Variants in HPS3 observed in about 807,000 individuals in gnomAD.
HPS3 encodes HPS3 biogenesis of lysosomal organelles complex 2 subunit 1.
Under a neutral mutation model 110.9 loss-of-function variants are expected in HPS3, and 79 were observed. The observed-to-expected ratio is 0.71, with a 90% CI of 0.59 to 0.86. The LOEUF (loss-of-function observed/expected upper bound fraction) is 0.86, where lower values mean the gene tolerates loss of function less well. Among genes scored for constraint, HPS3 ranks in the 40% least tolerant of loss-of-function variants. The pLI is 0.00. For missense variants in HPS3, 1,197 were observed against 1,206.2 expected (o/e 0.99, Z 0.11); for synonymous variants, 428 against 451.0 (o/e 0.95, Z 0.65).
chr3:149,152,908 C>CAGCAAAAGG (rs1166316109), intron 6 of HPS3, among the ~76,000 whole-genome samples: 6 of 152,196 alleles, frequency 3.9e-5, no homozygotes, highest in African/African-American at 1.4e-4. Context: ...CTCTAGTTTA[C>CAGCAAAAGG]CTGACATGTC....
intron 6 of HPS3, among the ~76,000 whole-genome samples, 154 bp from the exon 7 acceptor site, chr3:149,153,340 G>A (rs1252223991): frequency 6.6e-6 from 1 of 152,202 alleles, no homozygotes; most frequent in Admixed American, 6.5e-5. Flanking sequence ...TAGGAATCTG[G>A]GTTGGTCTTT....
intron 11 of HPS3, among the ~76,000 whole-genome samples, chr3:149,160,566 A>C (rs1227321378): frequency 6.6e-6 from 1 of 152,194 alleles, no homozygotes; most frequent in Non-Finnish European, 1.5e-5. Flanking sequence ...CGAGGGGACG[A>C]TGTGATCTGG....
In HPS3 at chr3:149,129,766, G is replaced by A. The variant is rs776757990; in HGVS notation, c.43G>A (p.Val15Met). Residue 15 changes from valine to methionine, a missense_variant, in exon 1 of 17, where the codon GTG becomes ATG. By Grantham distance (21) the Val-to-Met change is conservative. Transcript: ENST00000296051. ...CCTGCACCCGTTCGGGTCGCAGCAGGTGGTGCCCTGCAAGCTGGAGCCGGA... is the reference window on the plus strand; with the variant it reads ...CCTGCACCCGTTCGGGTCGCAGCAGATGGTGCCCTGCAAGCTGGAGCCGGA... ...YNLHPFGSQQ[V>M]VPCKLEPDRF... 1 of 1,607,888 alleles carries A rather than the reference G, an allele frequency of 6.2e-7. No homozygotes were observed. Among genetic ancestry groups the A allele is most frequent in the Non-Finnish European group, 8.5e-7 (1 of 1,178,760 alleles).
At position 149,140,143 on chromosome 3, in the gene HPS3, A is replaced by T. The variant is rs1722346559; in HGVS notation, c.357A>T (p.Lys119Asn). 1.2e-6 allele frequency: 2 copies of T among 1,613,804 alleles called. No homozygotes were observed. Among genetic ancestry groups the T allele is most frequent in the Non-Finnish European group, 1.7e-6 (2 of 1,179,884 alleles). ...IGHNVEGPFS[K>N]AFRDQMYIIE... ...ATAATGTGGAGGGACCATTCAGCAA[A>T]GCCTTCAGAGACCAGATGTACATTA... The change falls in exon 2 of 17, where the codon AAA (lysine) becomes AAT (asparagine). Residue 119 changes from lysine to asparagine, a missense_variant. Coordinates refer to ENST00000296051, the MANE Select transcript of HPS3 (RefSeq NM_032383.5).
Position 149,173,411 on chromosome 3 carries a change from T to C in HPS3, c.*1189T>C. 1 of 224,376 alleles carries C rather than the reference T, an allele frequency of 4.5e-6. No individual in the cohort carries two copies. Among genetic ancestry groups the C allele is most frequent in the Non-Finnish European group, 8.8e-6 (1 of 113,684 alleles). The allele number at this position is 224,376 out of a possible 1,614,324, so 13.9% of individuals were successfully genotyped here. ...GAGGAGCACCCAGGAGAATATCTGG[T>C]CATAGATCTTTTTTTAAATGCAGTT... On this transcript the variant is annotated 3_prime_UTR_variant, in exon 17 of 17. Transcript: ENST00000296051.
At chr3:149,136,027 G>A (rs1722070643) in intron 1 of HPS3, among the ~76,000 whole-genome samples, 1 of 152,036 alleles carries the variant, frequency 6.6e-6, no homozygotes, top group Non-Finnish European at 1.5e-5. Flanking sequence ...CTACATAAAA[G>A]GGAAAGTTTA....
chr3:149,145,941 G>A (rs1226630687), intron 5 of HPS3, among the ~76,000 whole-genome samples: 3 of 152,064 alleles, frequency 2.0e-5, no homozygotes, highest in Admixed American at 2.0e-4. Flanking sequence ...ATTTATAATA[G>A]TTTAGAACTG....
intron 1 of HPS3, among the ~76,000 whole-genome samples, chr3:149,131,426 G>T (rs1220837350): frequency 6.6e-6 from 1 of 152,076 alleles, no homozygotes; most frequent in Non-Finnish European, 1.5e-5. Context: ...GTCACATTTT[G>T]ATAGTTCTTG....
Position 149,173,542 on chromosome 3 carries a change from C to T in HPS3, c.*1320C>T, listed in dbSNP as rs1725194583. On this transcript the variant is annotated 3_prime_UTR_variant, in exon 17 of 17. Coordinates refer to ENST00000296051, the MANE Select transcript of HPS3 (RefSeq NM_032383.5). ...TCATTATATAGTCTGTTGATCTTTC[C>T]ATTTGCAAAAAATTAATAGTTTTCC... The T allele has an allele frequency of 3.9e-6, 2 of 510,266 alleles. No individual in the cohort carries two copies. The highest frequency in any genetic ancestry group is 7.1e-5 in the Admixed American group (2 of 28,034). 31.6% of individuals were successfully genotyped at this position (510,266 alleles called of 1,614,324 possible). A position where few individuals can be genotyped will look rare whatever the true frequency, so the allele number is the denominator to read the frequency against.
intron 4 of HPS3, among the ~76,000 whole-genome samples, chr3:149,143,830 T>C (rs1236933324): frequency 1.3e-5 from 2 of 152,138 alleles, no homozygotes; most frequent in Non-Finnish European, 2.9e-5. Context: ...CTTCTGCTAT[T>C]AATTGGTGTC....
chr3:149,156,629 A>T (rs1009775731), intron 8 of HPS3, among the ~76,000 whole-genome samples: 2 of 150,786 alleles, frequency 1.3e-5, no homozygotes, highest in South Asian at 4.2e-4. Context: ...AGAATATTGC[A>T]TAGGTGATTT....
intron 14 of HPS3, among the ~76,000 whole-genome samples, chr3:149,166,754 T>C (rs1031677280): frequency 1.4e-4 from 21 of 152,214 alleles, no homozygotes; most frequent in Non-Finnish European, 2.4e-4. Context: ...TCCTAAAGAA[T>C]GCCCATTGGT....
rs778588670 is a variant in HPS3 at position 149,167,942 on chromosome 3, G to A, written c.2846G>A (p.Cys949Tyr). 53 of 1,605,776 alleles carry A rather than the reference G, an allele frequency of 3.3e-5. No individual in the cohort carries two copies. The East Asian group carries it at 6.9e-4, about 21-fold the overall frequency. The change falls in exon 16 of 17, where the codon TGT (cysteine) becomes TAT (tyrosine). Residue 949 changes from cysteine to tyrosine, a missense_variant. Coordinates refer to ENST00000296051, the MANE Select transcript of HPS3 (RefSeq NM_032383.5). ...CCTGAACTTTGTCAGAGAATAAAAT[G>A]TGGTGGAGAGAAGTATCAACTCTAC... ...LLPELCQRIK[C>Y]GGEKYQLYLS... is the part of the protein sequence containing the mutation.
rs1264207841 is a variant in HPS3 at position 149,153,598 on chromosome 3, A to G, written c.1350A>G (p.Lys450=). The change falls in exon 7 of 17, where the codon AAA becomes AAG. Residue 450 remains lysine, a synonymous_variant. Transcript: ENST00000296051. ...HFKNHIILLT[K]AEPEAIPERR... ...AAAACCACATCATACTTTTGACTAA[A>G]GCAGAACCTGAAGCCATTCCAGAGA... 3 of 1,614,124 alleles carry G rather than the reference A, an allele frequency of 1.9e-6. No homozygotes were observed. The highest frequency in any genetic ancestry group is 2.5e-6 in the Non-Finnish European group (3 of 1,180,032).
chr3:149,130,034 A>G, intron 1 of HPS3, 94 bp downstream of exon 1: 1 of 1,224,512 alleles, frequency 8.2e-7, no homozygotes, highest in Non-Finnish European at 1.1e-6. Context: ...CTAGCTAGGG[A>G]TGGGACTTCT....
chr3:149,167,012 C>T (rs1184858884), intron 14 of HPS3, 22 bp from the exon 15 acceptor site: 1 of 1,579,864 alleles, frequency 6.3e-7, no homozygotes, highest in Non-Finnish European at 8.7e-7. Context: ...CATTTCATAA[C>T]ATTTCACTTT....
intron 11 of HPS3, among the ~76,000 whole-genome samples, chr3:149,160,808 G>A (rs1405382703): frequency 2.0e-5 from 3 of 152,170 alleles, no homozygotes; most frequent in African/African-American, 4.8e-5. Flanking sequence ...TCATTTAAGC[G>A]AAGAAAATAG....
chr3:149,151,708 A>G (rs1364027210), intron 6 of HPS3, among the ~76,000 whole-genome samples: 2 of 150,934 alleles, frequency 1.3e-5, no homozygotes, highest in Non-Finnish European at 2.9e-5. Context: ...TACACTGATC[A>G]TTTACATTAT....
At chr3:149,167,426 A>G (rs1156341037) in intron 15 of HPS3, among the ~76,000 whole-genome samples, 186 bp downstream of exon 15, 3 of 149,464 alleles carry the variant, frequency 2.0e-5, no homozygotes, top group African/African-American at 2.4e-5. Flanking sequence ...GTTAAAATAT[A>G]TGGAGATGGT....
Sources: gnomAD v4.1 joint callset for allele counts (sites outside exome capture counted in the v4.1 genomes callset) on GRCh38, gnomAD v4.1.1 for gene constraint, MANE v1.5 for transcripts, NCBI Gene and HGNC (gene_info 2026-07-23, HGNC 2026-07-21) for gene names.